The following ARFGEF1 variants were observed in gnomAD, a reference collection of about 807,000 sequenced individuals.
ARFGEF1 encodes ARF guanine nucleotide exchange factor 1.
Under a neutral mutation model 231.0 loss-of-function variants are expected in ARFGEF1, and 42 were observed. That is an observed-to-expected ratio of 0.18 (90% CI 0.14 to 0.24). The LOEUF is 0.24. Ranked by LOEUF, ARFGEF1 falls within the 10% of genes least tolerant of loss-of-function variation. ARFGEF1 has a pLI of 1.00. For synonymous variants in ARFGEF1, 710 were observed against 732.3 expected (o/e 0.97, Z 0.49); for missense variants, 1,345 against 2,192.0 (o/e 0.61, Z 7.72).
chr8:67,193,395 C>A, downstream of ARFGEF1: 2 of 1,411,446 alleles, frequency 1.4e-6, no homozygotes, highest in Non-Finnish European at 9.9e-7. Context: ...CCATGCCTGG[C>A]CCTGATTCAC....
At chr8:67,307,249 T>C (rs1806790868) in intron 1 of ARFGEF1, among the ~76,000 whole-genome samples, 1 of 152,210 alleles carries the variant, frequency 6.6e-6, no homozygotes, top group African/African-American at 2.4e-5. Flanking sequence ...CCTCCTCCTT[T>C]TAAATGAATA....
intron 4 of ARFGEF1, among the ~76,000 whole-genome samples, chr8:67,298,315 A>C (rs908317697): frequency 6.6e-6 from 1 of 152,250 alleles, no homozygotes; most frequent in Non-Finnish European, 1.5e-5. Context: ...AATAACATTA[A>C]GAACTCAGTA....
intron 5 of ARFGEF1, among the ~76,000 whole-genome samples, chr8:67,185,691 G>A (rs1483475483): frequency 6.6e-6 from 1 of 152,192 alleles, no homozygotes; most frequent in East Asian, 1.9e-4. Flanking sequence ...GGAGGTGGTA[G>A]CAAGGTTCCA....
chr8:67,328,714 A>T (rs1393057109), intron 1 of ARFGEF1, among the ~76,000 whole-genome samples: 1 of 152,222 alleles, frequency 6.6e-6, no homozygotes, highest in African/African-American at 2.4e-5. Flanking sequence ...CAAGAGTTGT[A>T]AACTAAATGT....
intron 1 of ARFGEF1, among the ~76,000 whole-genome samples, chr8:67,325,446 A>C (rs1381762607): frequency 6.6e-6 from 1 of 152,082 alleles, no homozygotes; most frequent in East Asian, 1.9e-4. Context: ...TTGTCTCCTT[A>C]CAACCTCATG....
At position 67,271,868 on chromosome 8, in the gene ARFGEF1, G is replaced by C; in HGVS notation, c.1406C>G (p.Pro469Arg). The C allele has an allele frequency of 6.2e-7, 1 of 1,613,748 alleles. No individual in the cohort carries two copies. The highest frequency in any genetic ancestry group is 1.7e-5 in the Admixed American group (1 of 60,020). ...LLLSILQNAG[P>R]IFRTNEMFIN... ...AAACATCTCATTTGTCCTGAAAATA[G>C]GTCCTGCATTCTGCAGAATGGATAG... is the stretch of plus-strand genomic sequence containing the variant. The change falls in exon 10 of 39, where the codon CCT becomes CGT. Residue 469 changes from proline to arginine, a missense_variant. Coordinates refer to ENST00000262215, the MANE Select transcript of ARFGEF1 (RefSeq NM_006421.5).
intron 5 of ARFGEF1, among the ~76,000 whole-genome samples, chr8:67,192,062 ATT>A (rs1836417033): frequency 7.4e-6 from 1 of 134,896 alleles, no homozygotes; most frequent in Non-Finnish European, 1.6e-5. Flanking sequence ...TCCTTTGCTG[ATT>A]TGTTTTTTTT....
intron 22 of ARFGEF1, among the ~76,000 whole-genome samples, chr8:67,237,394 A>G (rs534390191): frequency 6.6e-6 from 1 of 152,314 alleles, no homozygotes; most frequent in South Asian, 2.1e-4. Flanking sequence ...CCCCAGTCCA[A>G]CTTGAAGCCA....
intron 14 of ARFGEF1, among the ~76,000 whole-genome samples, chr8:67,261,053 G>A (rs971658265): frequency 1.3e-5 from 2 of 152,202 alleles, no homozygotes; most frequent in African/African-American, 4.8e-5. Context: ...CTGGAAGCTA[G>A]CAGAGGTTGG....
At chr8:67,325,340 G>A (rs978521744) in intron 1 of ARFGEF1, among the ~76,000 whole-genome samples, 2 of 151,902 alleles carry the variant, frequency 1.3e-5, no homozygotes, top group Admixed American at 6.6e-5. Flanking sequence ...ATTCCTAAGG[G>A]CAAAGCAAAG....
At chr8:67,320,218 T>A (rs1587311538) in intron 1 of ARFGEF1, among the ~76,000 whole-genome samples, 1 of 71,226 alleles carries the variant, frequency 1.4e-5, no homozygotes, top group Non-Finnish European at 2.4e-5. Context: ...AGCAAAACGC[T>A]ATCTCAAAAA....
downstream of ARFGEF1, chr8:67,195,551 A>G (rs777867972): frequency 1.9e-6 from 3 of 1,614,204 alleles, no homozygotes; most frequent in Non-Finnish European, 2.5e-6. Flanking sequence ...CTGGAAAACC[A>G]GGCACTTTCA....
At chr8:67,265,467 A>T (rs1405876033) in intron 14 of ARFGEF1, among the ~76,000 whole-genome samples, 1 of 152,222 alleles carries the variant, frequency 6.6e-6, no homozygotes, top group Non-Finnish European at 1.5e-5. Context: ...CAAAGGAAAT[A>T]GTCCAGGAGC....
chr8:67,196,241 A>C (rs905720756), downstream of ARFGEF1: 7 of 152,206 alleles, frequency 4.6e-5, no homozygotes, highest in African/African-American at 1.4e-4. Flanking sequence ...GATATAAATA[A>C]ATTTTTATTT....
chr8:67,324,394 C>A (rs16919059), intron 1 of ARFGEF1, among the ~76,000 whole-genome samples: 164 of 152,308 alleles, frequency 1.1e-3, no homozygotes, highest in African/African-American at 3.7e-3. Flanking sequence ...CTGCAGTTCC[C>A]TAAGTGCAGA....
chr8:67,234,329 T>G (rs1046867605), intron 22 of ARFGEF1, among the ~76,000 whole-genome samples: 21 of 152,156 alleles, frequency 1.4e-4, no homozygotes, highest in Admixed American at 6.6e-5. Context: ...TGAAATGAAC[T>G]AACTACATAG....
Position 67,201,539 on chromosome 8 carries a change from C to T in ARFGEF1, c.5195G>A (p.Arg1732His). 1 of 1,613,378 alleles carries T rather than the reference C, an allele frequency of 6.2e-7. No homozygotes were observed. The highest frequency in any genetic ancestry group is 8.5e-7 in the Non-Finnish European group (1 of 1,179,716). Reference sequence around the variant, plus strand: ...ATCCATGTACATCCGGAAGAGAATGCGCAGCCCACAGGCCAGGCTGCTGGT... The same window carrying T: ...ATCCATGTACATCCGGAAGAGAATGTGCAGCCCACAGGCCAGGCTGCTGGT... ...QETSSLACGL[R>H]ILFRMYMDES... Residue 1732 changes from arginine (R) to histidine (H), a missense_variant, in exon 37 of 39, where the codon CGC (arginine) becomes CAC (histidine). This residue lies in a region of ARFGEF1 where 161 missense variants were observed against 284.9 expected (regional missense o/e 0.57). Coordinates refer to ENST00000262215, the MANE Select transcript of ARFGEF1 (RefSeq NM_006421.5).
intron 19 of ARFGEF1, among the ~76,000 whole-genome samples, chr8:67,250,059 G>T (rs557045551): frequency 6.6e-6 from 1 of 152,228 alleles, no homozygotes; most frequent in African/African-American, 2.4e-5. Context: ...GCTGGTGTGA[G>T]TGCAGCATAG....
intron 34 of ARFGEF1, among the ~76,000 whole-genome samples, chr8:67,210,540 TC>T (rs1287626323): frequency 1.3e-5 from 2 of 152,028 alleles, no homozygotes. Context: ...CAACGGTCCT[TC>T]ACTACTTCCC....
Sources: gnomAD v4.1 joint callset for allele counts (sites outside exome capture counted in the v4.1 genomes callset) on GRCh38, gnomAD v4.1.1 for gene constraint, gnomAD v4.1.1 regional missense constraint, MANE v1.5 for transcripts, NCBI Gene and HGNC (gene_info 2026-07-23, HGNC 2026-07-21) for gene names.